PLET1: variants seen among roughly 807,000 people sequenced by gnomAD.
PLET1 encodes the protein placenta-expressed transcript 1 protein.
Under a neutral mutation model 18.5 loss-of-function variants are expected in PLET1, and 20 were observed. The observed-to-expected ratio is 1.08, with a 90% CI of 0.76 to 1.57. The LOEUF (loss-of-function observed/expected upper bound fraction) is 1.57, where lower values mean the gene tolerates loss of function less well. Among genes scored for constraint, PLET1 ranks in the 40% most tolerant of loss-of-function variants. The pLI is 0.00. For synonymous variants in PLET1, 93 were observed against 93.8 expected (o/e 0.99, Z 0.05); for missense variants, 256 against 246.4 (o/e 1.04, Z -0.26).
intron 1 of PLET1, among the ~76,000 whole-genome samples, chr11:112,256,491 A>T (rs1041760154): frequency 1.1e-4 from 16 of 152,250 alleles, no homozygotes; most frequent in Middle Eastern, 3.4e-3. Flanking sequence ...ATTGTTCATC[A>T]TTCACTCCAT....
chr11:112,250,012 A>G (rs1008092309), intron 3 of PLET1, among the ~76,000 whole-genome samples: 5 of 147,764 alleles, frequency 3.4e-5, no homozygotes, highest in African/African-American at 9.9e-5. Context: ...AATGTCCAGG[A>G]GTCGACTCAG....
intron 2 of PLET1, 115 bp from the exon 3 acceptor site, chr11:112,252,524 A>T (rs1228341839): frequency 2.3e-6 from 2 of 851,154 alleles, no homozygotes. Flanking sequence ...TACTTTCTGT[A>T]TGGCACAATG....
intron 3 of PLET1, among the ~76,000 whole-genome samples, chr11:112,251,283 T>A (rs4937226): frequency 6.8e-6 from 1 of 147,974 alleles, no homozygotes; most frequent in Non-Finnish European, 1.5e-5. Context: ...TTTTGTAAAT[T>A]AAAAAAAAAA....
At chr11:112,254,325 G>A (rs1213069094) in intron 2 of PLET1, among the ~76,000 whole-genome samples, 1 of 107,870 alleles carries the variant, frequency 9.3e-6, no homozygotes, top group African/African-American at 3.1e-5. Context: ...CATGTGGTGT[G>A]TGGGGGTGGT....
At chr11:112,254,955 GTGAT>G (rs372266098) in intron 2 of PLET1, among the ~76,000 whole-genome samples, 2,481 of 30,804 alleles carry the variant, frequency 0.081, 77 homozygotes, top group African/African-American at 0.13. Flanking sequence ...TGTGGTGTGT[GTGAT>G]ATGTATGTGA....
At chr11:112,258,602 C>T (rs1176350977) in intron 1 of PLET1, among the ~76,000 whole-genome samples, 1 of 152,190 alleles carries the variant, frequency 6.6e-6, no homozygotes, top group East Asian at 1.9e-4. Context: ...CTCTTTCCTC[C>T]ATTGCATTAG....
chr11:112,255,104 ATG>A (rs1227970523), intron 2 of PLET1, among the ~76,000 whole-genome samples: 5 of 72,842 alleles, frequency 6.9e-5, no homozygotes, highest in Admixed American at 1.6e-4. Context: ...TGTGGTATGT[ATG>A]TGTGGTGTAT....
chr11:112,257,518 TA>T (rs1212927103), intron 1 of PLET1, among the ~76,000 whole-genome samples: 1 of 152,172 alleles, frequency 6.6e-6, no homozygotes, highest in Non-Finnish European at 1.5e-5. Context: ...TGGTTGATTT[TA>T]AAAGTCATGC....
chr11:112,249,400 A>G (rs1860132557), intron 3 of PLET1, among the ~76,000 whole-genome samples: 2 of 152,156 alleles, frequency 1.3e-5, no homozygotes, highest in Non-Finnish European at 2.9e-5. Flanking sequence ...GGCTTGTAAG[A>G]ACCAGATCCA....
Position 112,260,634 on chromosome 11 carries a change from A to G in PLET1, c.-45T>C, listed in dbSNP as rs779574790. 503 of 1,492,292 alleles carry G rather than the reference A, an allele frequency of 3.4e-4. No homozygotes were observed. Among genetic ancestry groups the G allele is most frequent in the Non-Finnish European group, 4.3e-4 (470 of 1,103,502 alleles). The allele number at this position is 1,492,292 out of a possible 1,614,324, so 92.4% of individuals were successfully genotyped here. ...AGTGCTAGGCCTGGAATTGGGTGAAACTGACAACTCACCTCTTGTTTATAT... is the reference window on the plus strand; with the variant it reads ...AGTGCTAGGCCTGGAATTGGGTGAAGCTGACAACTCACCTCTTGTTTATAT... On this transcript the variant is annotated 5_prime_UTR_variant, in exon 1 of 4. Transcript: ENST00000338832.
intron 1 of PLET1, chr11:112,260,132 G>GC: frequency 2.7e-6 from 1 of 371,376 alleles, no homozygotes; most frequent in Non-Finnish European, 4.8e-6. Flanking sequence ...TTAAGTCAGA[G>GC]AATCTACCCC....
intron 3 of PLET1, among the ~76,000 whole-genome samples, chr11:112,251,045 C>T (rs183874844): frequency 1.2e-4 from 19 of 152,192 alleles, no homozygotes; most frequent in Admixed American, 1.1e-3. Context: ...TCTGGGGGCT[C>T]GTGAGGACCA....
Position 112,248,425 on chromosome 11 carries a change from AG to A in PLET1, c.*373del, listed in dbSNP as rs751892991. ...TCTGAGATCATCTTGAAAGTAAGGAAGGATTCTTCCCACAGAAACTCAGAGG... is the reference window on the plus strand; with the variant it reads ...TCTGAGATCATCTTGAAAGTAAGGAAGATTCTTCCCACAGAAACTCAGAGG... On this transcript the variant is annotated 3_prime_UTR_variant, in exon 4 of 4. Coordinates refer to ENST00000338832, the MANE Select transcript of PLET1 (RefSeq NM_001145024.1). The A allele has an allele frequency of 7.4e-6, 3 of 402,750 alleles. No individual in the cohort carries two copies. The highest frequency in any genetic ancestry group is 1.3e-5 in the Non-Finnish European group (3 of 229,362). 24.9% of individuals were successfully genotyped at this position (402,750 alleles called of 1,614,324 possible).
chr11:112,259,965 G>A (rs1039092374), intron 1 of PLET1, among the ~76,000 whole-genome samples: 1 of 152,188 alleles, frequency 6.6e-6, no homozygotes, highest in African/African-American at 2.4e-5. Context: ...TTGAACCCAG[G>A]AGGCGGAGGT....
intron 1 of PLET1, among the ~76,000 whole-genome samples, chr11:112,257,810 G>T (rs1442845837): frequency 6.6e-6 from 1 of 152,142 alleles, no homozygotes; most frequent in Non-Finnish European, 1.5e-5. Flanking sequence ...AAGTTTAAAA[G>T]AATTTCAAAA....
intron 2 of PLET1, among the ~76,000 whole-genome samples, chr11:112,254,863 T>TG (rs1860202564): frequency 7.6e-6 from 1 of 130,992 alleles, no homozygotes; most frequent in African/African-American, 2.9e-5. Context: ...GTGTGGTATG[T>TG]GTGTGTGGTG....
At chr11:112,255,115 ATGTG>A (rs541988704) in intron 2 of PLET1, among the ~76,000 whole-genome samples, 48 of 82,518 alleles carry the variant, frequency 5.8e-4, no homozygotes, top group African/African-American at 2.1e-3. Flanking sequence ...TGTGTGGTGT[ATGTG>A]TGTGAGGTGT....
chr11:112,260,483 G>A lies in PLET1; in HGVS notation c.107C>T (p.Thr36Ile), dbSNP rs189322508. The A allele has an allele frequency of 3.7e-5, 58 of 1,551,758 alleles. No homozygotes were observed. Among genetic ancestry groups the A allele is most frequent in the Admixed American group, 1.2e-4 (6 of 50,998 alleles). ...GGTTATGGTGTAGTATTCATCAAAG[G>A]TGAAGCAGGTGCTACTGTACCTTAT... is the stretch of plus-strand genomic sequence containing the variant. ...TFIRYSSTCF[T>I]FDEYYTITLD... The change falls in exon 1 of 4, where the codon ACC (threonine) becomes ATC (isoleucine). Residue 36 changes from threonine (T) to isoleucine (I), a missense_variant. By Grantham distance (89) the Thr-to-Ile change is moderately conservative. Coordinates refer to ENST00000338832, the MANE Select transcript of PLET1 (RefSeq NM_001145024.1).
chr11:112,252,243 T>G, intron 3 of PLET1, 105 bp downstream of exon 3: 2 of 963,424 alleles, frequency 2.1e-6, no homozygotes, highest in Non-Finnish European at 3.2e-6. Context: ...GATAGCTGAG[T>G]GATGCGTGGT....
Sources: allele counts gnomAD v4.1 joint callset (sites outside exome capture counted in the v4.1 genomes callset), GRCh38; gene constraint gnomAD v4.1.1; transcripts MANE v1.5; gene names NCBI Gene and HGNC (gene_info 2026-07-23, HGNC 2026-07-21).